PRIM2: variants seen among roughly 807,000 people sequenced by gnomAD.
The protein encoded by PRIM2 is DNA primase large subunit.
A neutral mutation model predicts 67.3 loss-of-function variants in PRIM2; 39 were observed. The ratio of observed to expected loss-of-function variants is 0.58; its 90% CI spans 0.45 to 0.76. The LOEUF (loss-of-function observed/expected upper bound fraction) is 0.76, where lower values mean the gene tolerates loss of function less well. Ranked by LOEUF, PRIM2 falls within the 30% of genes least tolerant of loss-of-function variation. PRIM2 has a pLI of 0.00. For synonymous variants in PRIM2, 143 were observed against 198.7 expected (o/e 0.72, Z 2.36); for missense variants, 398 against 598.7 (o/e 0.66, Z 3.50).
the PRIM2 span, among the ~76,000 whole-genome samples, chr6:57,298,449 A>G: frequency 1.3e-5 from 2 of 152,102 alleles, no homozygotes; most frequent in Non-Finnish European, 2.9e-5. Context: ...CACTGTGCTG[A>G]GGGAATGACG....
intron 10 of PRIM2, among the ~76,000 whole-genome samples, chr6:57,548,022 G>T (rs1354314162): frequency 6.6e-6 from 1 of 152,212 alleles, no homozygotes; most frequent in Non-Finnish European, 1.5e-5. Context: ...CCCACAATTG[G>T]TGGTTTAACA....
At chr6:57,350,374 T>A (rs1768821491) in intron 5 of PRIM2, among the ~76,000 whole-genome samples, 1 of 152,220 alleles carries the variant, frequency 6.6e-6, no homozygotes, top group Non-Finnish European at 1.5e-5. Flanking sequence ...TCAAAATTAA[T>A]TTTATTTATT....
intron 7 of PRIM2, among the ~76,000 whole-genome samples, chr6:57,454,424 T>C (rs1023446227): frequency 1.3e-5 from 2 of 152,164 alleles, no homozygotes; most frequent in African/African-American, 2.4e-5. Context: ...TCCTGGACTT[T>C]TTTTTGCTTG....
intron 7 of PRIM2, among the ~76,000 whole-genome samples, chr6:57,392,455 T>C (rs1366216464): frequency 6.6e-6 from 1 of 152,098 alleles, no homozygotes; most frequent in Non-Finnish European, 1.5e-5. Flanking sequence ...TATTAATCCA[T>C]CTGATTCTAA....
In PRIM2 at chr6:57,432,582, A is replaced by C. The variant is rs190741250; in HGVS notation, c.693+50414A>C. Among the ~76,000 whole-genome samples, 6 of 152,336 alleles carry C rather than the reference A, an allele frequency of 3.9e-5. No homozygotes were observed. The East Asian group carries it at 9.6e-4, about 24-fold the overall frequency. On this transcript the variant is annotated intron_variant, in intron 7 of 13. Coordinates refer to ENST00000615550, the MANE Select transcript of PRIM2 (RefSeq NM_000947.5). ...AGTGTTATTATGGCATTAAAATAAA[A>C]TTTTTATATTTTCCATTTTAATGTT...
the PRIM2 span, among the ~76,000 whole-genome samples, chr6:57,309,454 T>C: frequency 6.6e-6 from 1 of 152,182 alleles, no homozygotes; most frequent in African/African-American, 2.4e-5. Flanking sequence ...TCCATATCCC[T>C]ACAAAGGACA....
intron 7 of PRIM2, among the ~76,000 whole-genome samples, chr6:57,457,994 C>T (rs1188542536): frequency 6.6e-6 from 1 of 152,198 alleles, no homozygotes; most frequent in Non-Finnish European, 1.5e-5. Context: ...GTCTTAGATT[C>T]ATTCAGCCTT....
intron 7 of PRIM2, among the ~76,000 whole-genome samples, chr6:57,466,668 G>A (rs1190795611): frequency 6.6e-6 from 1 of 152,152 alleles, no homozygotes; most frequent in Non-Finnish European, 1.5e-5. Flanking sequence ...TGAAGGGATT[G>A]TTTTTTTCTT....
At chr6:57,375,690 A>T (rs1322762465) in intron 5 of PRIM2, among the ~76,000 whole-genome samples, 9 of 137,616 alleles carry the variant, frequency 6.5e-5, no homozygotes, top group Non-Finnish European at 4.5e-5. Context: ...TTTTTTTTTT[A>T]AAGTAGCTGT....
chr6:57,486,952 A>G (rs1773768443), intron 7 of PRIM2, among the ~76,000 whole-genome samples: 1 of 152,194 alleles, frequency 6.6e-6, no homozygotes, highest in Non-Finnish European at 1.5e-5. Flanking sequence ...TTTGTTTTTC[A>G]TATTCAGAAA....
chr6:57,600,001 T>C (rs1265009029), intron 10 of PRIM2, among the ~76,000 whole-genome samples: 3 of 152,140 alleles, frequency 2.0e-5, no homozygotes, highest in African/African-American at 7.2e-5. Context: ...GACTTGTCTG[T>C]ACATGTCTAC....
chr6:57,330,113 A>G (rs1768001866), intron 5 of PRIM2, among the ~76,000 whole-genome samples: 1 of 152,136 alleles, frequency 6.6e-6, no homozygotes, highest in Admixed American at 6.5e-5. Context: ...TTTTGTAATG[A>G]TATTAAGTCT....
chr6:57,341,236 A>G (rs9475856), intron 5 of PRIM2, among the ~76,000 whole-genome samples: 1 of 152,046 alleles, frequency 6.6e-6, no homozygotes, highest in Non-Finnish European at 1.5e-5. Context: ...GGGGGATAGG[A>G]TGGAGAGGTA....
At position 57,466,375 on chromosome 6, in the gene PRIM2, T is replaced by G. The variant is rs1773191487; in HGVS notation, c.694-41012T>G. ...CTGGGTCAAATGGTATTTGTGATTCTAGATCCATAAGGAATTGCCACACTG... is the reference window on the plus strand; with the variant it reads ...CTGGGTCAAATGGTATTTGTGATTCGAGATCCATAAGGAATTGCCACACTG... On this transcript the variant is annotated intron_variant, in intron 7 of 13. Coordinates refer to ENST00000615550, the MANE Select transcript of PRIM2 (RefSeq NM_000947.5). Among the ~76,000 whole-genome samples the G allele has an allele frequency of 2.6e-5, 4 of 152,342 alleles. No homozygotes were observed. In the South Asian group the frequency reaches 8.3e-4, roughly 32 times the overall value.
At chr6:57,457,272 A>G (rs553525246) in intron 7 of PRIM2, among the ~76,000 whole-genome samples, 45 of 152,082 alleles carry the variant, frequency 3.0e-4, no homozygotes, top group Non-Finnish European at 5.9e-4. Context: ...CTGTTCTCAG[A>G]TCTCCAGCTG....
intron 7 of PRIM2, among the ~76,000 whole-genome samples, chr6:57,499,124 G>A (rs1554346609): frequency 3.3e-5 from 5 of 152,302 alleles, no homozygotes; most frequent in African/African-American, 9.6e-5. Flanking sequence ...TACAACAAGA[G>A]TTATAGGAGC....
intron 5 of PRIM2, among the ~76,000 whole-genome samples, chr6:57,334,030 C>T (rs1768140954): frequency 6.6e-6 from 1 of 152,168 alleles, no homozygotes; most frequent in African/African-American, 2.4e-5. Context: ...TGTGATTATG[C>T]ATCCTTTAAC....
At chr6:57,274,569 C>T in the PRIM2 span, among the ~76,000 whole-genome samples, 47 of 152,352 alleles carry the variant, frequency 3.1e-4, no homozygotes, top group East Asian at 2.7e-3. Flanking sequence ...TGACCCTTTG[C>T]GCTTCCCGGG....
At chr6:57,264,898 T>A in the PRIM2 span, among the ~76,000 whole-genome samples, 1 of 152,144 alleles carries the variant, frequency 6.6e-6, no homozygotes, top group Admixed American at 6.5e-5. Flanking sequence ...CGTCAAAAAC[T>A]TTTAAGAATG....
Sources: allele counts gnomAD v4.1 joint callset (sites outside exome capture counted in the v4.1 genomes callset), GRCh38; gene constraint gnomAD v4.1.1; transcripts MANE v1.5; gene names NCBI Gene and HGNC (gene_info 2026-07-23, HGNC 2026-07-21).